Variants in SEC22C observed in about 807,000 individuals in gnomAD.
SEC22C encodes the protein SEC22 homolog C, vesicle trafficking protein.
A neutral mutation model predicts 34.7 loss-of-function variants in SEC22C; 29 were observed. That is an observed-to-expected ratio of 0.84 (90% CI 0.62 to 1.14). The LOEUF is 1.14. Ranked by LOEUF, SEC22C falls within the 50% of genes most tolerant of loss-of-function variation. The pLI is 0.00. For synonymous variants in SEC22C, 117 were observed against 132.8 expected, an observed-to-expected ratio of 0.88 and a Z score of 0.82; for missense variants, 337 against 369.0, an observed-to-expected ratio of 0.91 and a Z score of 0.71.
At chr3:42,566,678 CAAA>C (rs71072721) in intron 2 of SEC22C, 69 of 129,818 alleles carry the variant, frequency 5.3e-4, no homozygotes, top group South Asian at 2.2e-3. Flanking sequence ...GACTCCGTCT[CAAA>C]AAAAAAAAAA....
At chr3:42,569,538 C>T (rs1703478981) in intron 1 of SEC22C, among the ~76,000 whole-genome samples, 1 of 152,178 alleles carries the variant, frequency 6.6e-6, no homozygotes, top group Non-Finnish European at 1.5e-5. Flanking sequence ...AGCAGTTTAG[C>T]TGCCATATCC....
At chr3:42,556,049 C>T in intron 5 of SEC22C, 54 bp from the exon 6 acceptor site, 3 of 1,411,252 alleles carry the variant, frequency 2.1e-6, no homozygotes, top group Non-Finnish European at 3.0e-6. Flanking sequence ...AAAGGAAACA[C>T]TGTGACATAA....
chr3:42,563,038 T>TA (rs1703015387), intron 3 of SEC22C, among the ~76,000 whole-genome samples: 1 of 152,258 alleles, frequency 6.6e-6, no homozygotes, highest in South Asian at 2.1e-4. Flanking sequence ...CTTTGAGCAG[T>TA]AATGCTCTGG....
At chr3:42,585,171 G>A (rs1704570614), upstream of SEC22C, among the ~76,000 whole-genome samples, 1 of 152,088 alleles carries the variant, frequency 6.6e-6, no homozygotes, top group African/African-American at 2.4e-5. Context: ...AACAAATATG[G>A]GGAATTGGGC....
intron 2 of SEC22C, among the ~76,000 whole-genome samples, chr3:42,567,891 T>C (rs988088913): frequency 6.6e-6 from 1 of 152,024 alleles, no homozygotes; most frequent in Non-Finnish European, 1.5e-5. Flanking sequence ...GCCAACATGG[T>C]GAAACCCCGT....
At chr3:42,584,556 G>A (rs561291261), upstream of SEC22C, among the ~76,000 whole-genome samples, 2 of 152,218 alleles carry the variant, frequency 1.3e-5, no homozygotes, top group East Asian at 1.9e-4. Context: ...ACGCCTAGCC[G>A]GGACATAGAC....
At chr3:42,564,072 T>A in intron 2 of SEC22C, 1 of 557,310 alleles carries the variant, frequency 1.8e-6, no homozygotes, top group Non-Finnish European at 2.7e-6. Flanking sequence ...CCTTGTTGGA[T>A]CTAAGTTCCT....
chr3:42,577,573 A>T (rs921145147), intron 1 of SEC22C, among the ~76,000 whole-genome samples: 1 of 152,206 alleles, frequency 6.6e-6, no homozygotes, highest in Non-Finnish European at 1.5e-5. Context: ...CTACCTACCC[A>T]TCAGAACAGC....
At chr3:42,576,148 T>C (rs1226658507) in intron 1 of SEC22C, among the ~76,000 whole-genome samples, 2 of 151,632 alleles carry the variant, frequency 1.3e-5, no homozygotes, top group Non-Finnish European at 2.9e-5. Flanking sequence ...ATTAAAAAAA[T>C]ACATTGAACT....
At position 42,563,670 on chromosome 3, in the gene SEC22C, C is replaced by A; in HGVS notation, c.199G>T (p.Asp67Tyr). The change falls in exon 3 of 7, where the codon GAC becomes TAC. Residue 67 changes from aspartate (D) to tyrosine (Y), a missense_variant. Coordinates refer to ENST00000264454, the MANE Select transcript of SEC22C (RefSeq NM_032970.4). The part of the protein sequence containing the change: ...DFSIHFSSFG[D>Y]VACMAICSCQ... ...GAGCAGATAGCCATGCAGGCCACGT[C>A]CCCGAAAGAAGAAAAACTGAAACAA... is the stretch of plus-strand genomic sequence containing the variant. 6.2e-7 allele frequency: 1 copy of A among 1,613,950 alleles called. No individual in the cohort carries two copies. Among genetic ancestry groups the A allele is most frequent in the Non-Finnish European group, 8.5e-7 (1 of 1,179,942 alleles).
In SEC22C at chr3:42,576,909, T is replaced by C. The variant is rs1341170628; in HGVS notation, c.-28+4937A>G. ...TATAGCTATAGTAATCAAGATTGTG[T>C]GGTATTGTTGGAGGAATAGACATAG... On this transcript the variant is annotated intron_variant, in intron 1 of 6. Transcript: ENST00000264454. Among the ~76,000 whole-genome samples the C allele has an allele frequency of 2.6e-5, 4 of 152,156 alleles. No individual in the cohort carries two copies. In the East Asian group the frequency reaches 7.7e-4, roughly 29 times the overall value.
chr3:42,572,016 G>C (rs1703660969), intron 1 of SEC22C, among the ~76,000 whole-genome samples: 1 of 152,170 alleles, frequency 6.6e-6, no homozygotes, highest in Non-Finnish European at 1.5e-5. Context: ...CTAGGTGACA[G>C]AGTGAGACCC....
At chr3:42,564,397 T>A (rs1703107485) in intron 2 of SEC22C, 1 of 154,652 alleles carries the variant, frequency 6.5e-6, no homozygotes, top group Non-Finnish European at 1.4e-5. Flanking sequence ...TGAGAACTCA[T>A]CCCTATGGGA....
At chr3:42,573,870 A>G (rs2125718713) in intron 1 of SEC22C, among the ~76,000 whole-genome samples, 1 of 152,326 alleles carries the variant, frequency 6.6e-6, no homozygotes, top group Non-Finnish European at 1.5e-5. Context: ...CTAAAAAATG[A>G]CCAACTATTC....
Position 42,548,991 on chromosome 3 carries a change from G to A in SEC22C, c.*4257C>T, listed in dbSNP as rs192226737. The A allele has an allele frequency of 3.8e-6, 4 of 1,056,468 alleles. No individual in the cohort carries two copies. In the East Asian group the frequency reaches 1.8e-4, roughly 47 times the overall value. 65.4% of individuals were successfully genotyped at this position (1,056,468 alleles called of 1,614,324 possible). ...TTGATGTTATCACCATTTACCAGAT[G>A]AGGAAACTGAGGCCTGATGGGCAGT... On this transcript the variant is annotated 3_prime_UTR_variant, in exon 7 of 7. Coordinates refer to ENST00000264454, the MANE Select transcript of SEC22C (RefSeq NM_032970.4).
At chr3:42,560,918 G>C (rs1198139158) in intron 4 of SEC22C, among the ~76,000 whole-genome samples, 199 bp downstream of exon 4, 1 of 151,898 alleles carries the variant, frequency 6.6e-6, no homozygotes, top group African/African-American at 2.4e-5. Context: ...GAGATTACAG[G>C]CATGAGCCTC....
chr3:42,555,187 T>A (rs1457425842), intron 6 of SEC22C, among the ~76,000 whole-genome samples: 1 of 151,490 alleles, frequency 6.6e-6, no homozygotes, highest in Non-Finnish European at 1.5e-5. Context: ...CTACTAAAAG[T>A]ACAAAAAAAA....
At chr3:42,559,663 GTAAT>G (rs1702752647) in intron 4 of SEC22C, among the ~76,000 whole-genome samples, 1 of 152,146 alleles carries the variant, frequency 6.6e-6, no homozygotes, top group African/African-American at 2.4e-5. Context: ...TAAAAACAAA[GTAAT>G]TAAGACTATT....
chr3:42,586,894 C>T (rs566551715), upstream of SEC22C, among the ~76,000 whole-genome samples: 2 of 152,308 alleles, frequency 1.3e-5, no homozygotes, highest in South Asian at 4.1e-4. Context: ...ACCTTCATTT[C>T]CATTCCAGCA....
Sources: allele counts gnomAD v4.1 joint callset (sites outside exome capture counted in the v4.1 genomes callset), GRCh38; gene constraint gnomAD v4.1.1; transcripts MANE v1.5; gene names NCBI Gene and HGNC (gene_info 2026-07-23, HGNC 2026-07-21).